WNK4: variants seen among roughly 807,000 people sequenced by gnomAD.
WNK4 encodes the protein WNK lysine deficient protein kinase 4.
A neutral mutation model predicts 116.2 loss-of-function variants in WNK4; 94 were observed. The ratio of observed to expected loss-of-function variants is 0.81; its 90% CI spans 0.68 to 0.96. The LOEUF (loss-of-function observed/expected upper bound fraction) is 0.96, where lower values mean the gene tolerates loss of function less well. Ranked by LOEUF, WNK4 falls within the 40% of genes least tolerant of loss-of-function variation. WNK4 has a pLI of 0.00. For synonymous variants in WNK4, 655 were observed against 672.7 expected, an observed-to-expected ratio of 0.97 and a Z score of 0.41; for missense variants, 1,542 against 1,650.6, an observed-to-expected ratio of 0.93 and a Z score of 1.14.
At chr17:42,793,846 A>T in intron 12 of WNK4, 117 bp downstream of exon 12, 1 of 1,363,012 alleles carries the variant, frequency 7.3e-7, no homozygotes, top group Non-Finnish European at 1.0e-6. Context: ...GGGACCCTAA[A>T]ACAGTGGCGC....
intron 11 of WNK4, among the ~76,000 whole-genome samples, chr17:42,792,288 T>G (rs1269989094): frequency 2.0e-5 from 3 of 149,954 alleles, no homozygotes; most frequent in African/African-American, 7.6e-5. Context: ...CTGTCAATGT[T>G]CAGCTCCAAA....
chr17:42,781,355 G>A, intron 1 of WNK4, 39 bp downstream of exon 1: 1 of 1,613,638 alleles, frequency 6.2e-7, no homozygotes, highest in Non-Finnish European at 8.5e-7. Flanking sequence ...CTTGGGATGG[G>A]ACTCTGGAGG....
intron 5 of WNK4, 39 bp downstream of exon 5, chr17:42,785,224 G>A: frequency 6.2e-7 from 1 of 1,605,896 alleles, no homozygotes; most frequent in Non-Finnish European, 8.5e-7. Context: ...GAATAGGGCC[G>A]CGGGCCGCGG....
In WNK4 at chr17:42,782,374, C is replaced by G. The variant is rs1046488010; in HGVS notation, c.619-384C>G. 1.3e-5 allele frequency among the ~76,000 whole-genome samples: 2 copies of G among 152,264 alleles called. No homozygotes were observed. The highest frequency in any genetic ancestry group is 4.1e-4 in the South Asian group (2 of 4,838). ...CCAACCCCCTTGCCGGCCCCAATTCCCTGCCCGCAGTATCCTGCTGCCCGC... is the reference window on the plus strand; with the variant it reads ...CCAACCCCCTTGCCGGCCCCAATTCGCTGCCCGCAGTATCCTGCTGCCCGC... On this transcript the variant is annotated intron_variant, in intron 1 of 18. Transcript: ENST00000246914. The surrounding 1 kb of genome is among the most constrained non-coding windows in gnomAD (Gnocchi z 4.2).
rs754093186 is a variant in WNK4 at position 42,796,156 on chromosome 17, A to G, written c.3465A>G (p.Leu1155=). The change falls in exon 17 of 19, where the codon CTA becomes CTG. Residue 1155 remains leucine (L), a synonymous_variant. Transcript: ENST00000246914. ...HLSEVETLQT[L]QKKEIEDLYS... is the part of the protein sequence containing the mutation. ...CAGAGGTGGAAACACTACAGACACT[A>G]CAGAAAAAAGAAATTGAAGATTTGT... 1 of 1,614,120 alleles carries G rather than the reference A, an allele frequency of 6.2e-7. No individual in the cohort carries two copies. Among genetic ancestry groups the G allele is most frequent in the South Asian group, 1.1e-5 (1 of 91,088 alleles).
At chr17:42,781,925 T>G (rs1207886247) in intron 1 of WNK4, among the ~76,000 whole-genome samples, 1 of 152,242 alleles carries the variant, frequency 6.6e-6, no homozygotes, top group Non-Finnish European at 1.5e-5. Flanking sequence ...AGTCCAGTTC[T>G]GCTCCTCATC....
Position 42,784,540 on chromosome 17 carries a change from G to C in WNK4, c.1131G>C (p.Glu377Asp). The C allele has an allele frequency of 6.2e-7, 1 of 1,614,154 alleles. No homozygotes were observed. The highest frequency in any genetic ancestry group is 8.5e-7 in the Non-Finnish European group (1 of 1,180,026). ...EMATSEYPYS[E>D]CQNAAQIYRK... ...CCACCTCTGAGTACCCGTACTCCGA[G>C]TGCCAGAATGCCGCGCAAATCTACC... is the stretch of plus-strand genomic sequence containing the variant. Residue 377 changes from glutamate to aspartate, a missense_variant, in exon 4 of 19, where the codon GAG (glutamate) becomes GAC (aspartate). Transcript: ENST00000246914. This position sits in a 1 kb window ranked among gnomAD's most constrained non-coding sequence, Gnocchi z 4.4.
At chr17:42,792,130 G>T (rs1232621005) in intron 11 of WNK4, among the ~76,000 whole-genome samples, 1 of 152,134 alleles carries the variant, frequency 6.6e-6, no homozygotes, top group African/African-American at 2.4e-5. Context: ...AATGAACTTA[G>T]GCAAGTTTCT....
intron 11 of WNK4, among the ~76,000 whole-genome samples, chr17:42,790,716 T>A (rs2054599166): frequency 6.6e-6 from 1 of 152,046 alleles, no homozygotes; most frequent in African/African-American, 2.4e-5. Context: ...GGAGGTGGCA[T>A]AGGATGAATC....
intron 6 of WNK4, 34 bp downstream of exon 6, chr17:42,785,516 G>T: frequency 1.3e-6 from 2 of 1,550,964 alleles, no homozygotes; most frequent in Non-Finnish European, 1.7e-6. Flanking sequence ...GCCACTGGAC[G>T]TGTAAAGGAC....
rs139916825 is a variant in WNK4, at chr17:42,789,639, G to A, written c.2157+842G>A. On this transcript the variant is annotated intron_variant, in intron 11 of 18. Coordinates refer to ENST00000246914, the MANE Select transcript of WNK4 (RefSeq NM_032387.5). ...AGATCACACCATTGCACTCCAGCCT[G>A]GGCGACAAGAGTGAGATTCTGTCTA... Among the ~76,000 whole-genome samples, 1,213 of 151,552 alleles carry A rather than the reference G, an allele frequency of 8.0e-3. 11 individuals carry two copies. Among genetic ancestry groups the A allele is most frequent in the Non-Finnish European group, 0.012 (784 of 67,954 alleles).
In WNK4 at chr17:42,782,670, A is replaced by G; in HGVS notation, c.619-88A>G. 6.6e-7 allele frequency: 1 copy of G among 1,510,884 alleles called. No homozygotes were observed. The highest frequency in any genetic ancestry group is 9.1e-7 in the Non-Finnish European group (1 of 1,104,332). 93.6% of individuals were successfully genotyped at this position (1,510,884 alleles called of 1,614,324 possible). A position where few individuals can be genotyped will look rare whatever the true frequency, so the allele number is the denominator to read the frequency against. Reference sequence around the variant, plus strand: ...ACCCCATCTGTGGGCTCCAACCCTCACCTCTTCCCCCAACCCCACTCCAGG... The same window carrying G: ...ACCCCATCTGTGGGCTCCAACCCTCGCCTCTTCCCCCAACCCCACTCCAGG... On this transcript the variant is annotated intron_variant, in intron 1 of 18. Transcript: ENST00000246914. The surrounding 1 kb of genome is among the most constrained non-coding windows in gnomAD (Gnocchi z 4.2).
chr17:42,785,228 G>T (rs12948005), intron 5 of WNK4, 38 bp from the exon 6 acceptor site: 1 of 1,607,398 alleles, frequency 6.2e-7, no homozygotes, highest in Non-Finnish European at 8.5e-7. Flanking sequence ...AGGGCCGCGG[G>T]CCGCGGCGGG....
rs2054531533 is a variant in WNK4, at chr17:42,785,183, G to A, written c.1257G>A (p.Glu419=). The A allele has an allele frequency of 6.2e-7, 1 of 1,613,644 alleles. No homozygotes were observed. The highest frequency in any genetic ancestry group is 8.5e-7 in the Non-Finnish European group (1 of 1,179,894). ...GCTGCATCCGCACGGATAAGAACGAGAGGTGGGGGTGAAAGGGCAGAGCGT... is the reference window on the plus strand; with the variant it reads ...GCTGCATCCGCACGGATAAGAACGAAAGGTGGGGGTGAAAGGGCAGAGCGT... The part of the protein sequence containing the change: ...IEGCIRTDKN[E]RFTIQDLLAH... The change falls in exon 5 of 19, where the codon GAG becomes GAA. Residue 419 remains glutamate (E), a splice_region_variant and synonymous_variant. Coordinates refer to ENST00000246914, the MANE Select transcript of WNK4 (RefSeq NM_032387.5).
Position 42,796,070 on chromosome 17 carries a change from C to G in WNK4, c.3431+37C>G. The G allele has an allele frequency of 6.2e-7, 1 of 1,614,026 alleles. No individual in the cohort carries two copies. The highest frequency in any genetic ancestry group is 8.5e-7 in the Non-Finnish European group (1 of 1,180,022). ...GAGGATGGAGGAGTGAGAGGAGAAC[C>G]TGGGAGAGCAAGGTGTGTGGCTAGC... On this transcript the variant is annotated intron_variant, in intron 16 of 18. Coordinates refer to ENST00000246914, the MANE Select transcript of WNK4 (RefSeq NM_032387.5).
chr17:42,796,404 G>GC, intron 17 of WNK4, 77 bp from the exon 18 acceptor site: 2 of 1,613,382 alleles, frequency 1.2e-6, no homozygotes, highest in Non-Finnish European at 1.7e-6. Context: ...CTGGGGGTCT[G>GC]CCCCGGGGGA....
rs1490777594 is a variant in WNK4 at position 42,788,360 on chromosome 17, G to A, written c.1993G>A (p.Gly665Arg). The stretch of plus-strand genomic sequence containing the variant: ...GATGGGACAAATGAGGAGACCCCCA[G>A]GGAGGAATCTCCGGCGCAGACCCCG... ...EGMGQMRRPP[G>R]RNLRRRPRSR... Residue 665 changes from glycine (G) to arginine (R), a missense_variant, in exon 10 of 19, where the codon GGG (glycine) becomes AGG (arginine). Physicochemically the swap from Gly to Arg is moderately radical, Grantham distance 125. This residue lies in a region of WNK4 where 808 missense variants were observed against 873.6 expected (regional missense o/e 0.92). Coordinates refer to ENST00000246914, the MANE Select transcript of WNK4 (RefSeq NM_032387.5). 2 of 1,613,706 alleles carry A rather than the reference G, an allele frequency of 1.2e-6. No individual in the cohort carries two copies.
Position 42,794,640 on chromosome 17 carries a change from G to GC in WNK4, c.2325dup (p.Val776ArgfsTer9), listed in dbSNP as rs763576858. The stretch of plus-strand genomic sequence containing the variant: ...AGGAGCCAGCACCATTACCTGCCCT[G>GC]CCCGTCCCCCTCCCAGACCCATCCA... On this transcript the variant is annotated frameshift_variant, in exon 13 of 19. Transcript: ENST00000246914. LOFTEE classifies it high-confidence loss of function. 6.8e-5 allele frequency: 109 copies of GC among 1,613,732 alleles called. No individual in the cohort carries two copies. The highest frequency in any genetic ancestry group is 8.8e-5 in the Non-Finnish European group (104 of 1,179,968).
chr17:42,788,157 G>A lies in WNK4; in HGVS notation c.1891G>A (p.Gly631Ser), dbSNP rs767524205. The A allele has an allele frequency of 6.2e-7, 1 of 1,614,162 alleles. No individual in the cohort carries two copies. The highest frequency in any genetic ancestry group is 8.5e-7 in the Non-Finnish European group (1 of 1,180,038). The change falls in exon 9 of 19, where the codon GGC (glycine) becomes AGC (serine). Residue 631 changes from glycine (G) to serine (S), a missense_variant. Transcript: ENST00000246914. ...TTTTGCCCTATCCATTCCACGTTCT[G>A]GCCCTGGAAGTGACTTTTCCCCCGG... ...SAFALSIPRS[G>S]PGSDFSPGDS... is the part of the protein sequence containing the mutation.
Sources: allele counts gnomAD v4.1 joint callset (sites outside exome capture counted in the v4.1 genomes callset), GRCh38; gene constraint gnomAD v4.1.1; regional missense constraint gnomAD v4.1.1; non-coding constraint Gnocchi (gnomAD v3.1); transcripts MANE v1.5; gene names NCBI Gene and HGNC (gene_info 2026-07-23, HGNC 2026-07-21).